Variants in COL13A1 observed in about 807,000 individuals in gnomAD.
The protein encoded by COL13A1 is collagen type XIII alpha 1 chain.
COL13A1 carries 89 observed loss-of-function variants against 130.9 expected under a neutral mutation model. The observed-to-expected ratio is 0.68, with a 90% CI of 0.57 to 0.81. The LOEUF is 0.81. COL13A1 is among the 30% of genes least tolerant of loss of function. The probability of loss-of-function intolerance (pLI) is 0.00; values close to 1 mark genes in which losing one functional copy is unlikely to be tolerated. For missense variants in COL13A1, 879 were observed against 934.6 expected (o/e 0.94, Z 0.78); for synonymous variants, 402 against 341.6 (o/e 1.18, Z -1.95).
At chr10:69,810,074 C>G (rs1431176411) in intron 1 of COL13A1, among the ~76,000 whole-genome samples, 1 of 152,184 alleles carries the variant, frequency 6.6e-6, no homozygotes, top group African/African-American at 2.4e-5. Flanking sequence ...TGAATGCTCC[C>G]TTTTAGAGCC....
rs1051687445 is a variant in COL13A1, at chr10:69,876,972, C to T, written c.436-1067C>T. Among the ~76,000 whole-genome samples, 3 of 152,310 alleles carry T rather than the reference C, an allele frequency of 2.0e-5. No individual in the cohort carries two copies. The South Asian group carries it at 6.2e-4, about 32-fold the overall frequency. ...TCCTCCTTCTTGGGCCCTGTGGACA[C>T]CTCCTCCCAGGAAGTGTCCACACTT... is the stretch of plus-strand genomic sequence containing the variant. On this transcript the variant is annotated intron_variant, in intron 5 of 40. Transcript: ENST00000645393.
At chr10:69,949,930 TTG>T (rs375171960) in intron 38 of COL13A1, among the ~76,000 whole-genome samples, 3,839 of 86,622 alleles carry the variant, frequency 0.044, 134 homozygotes, top group South Asian at 0.097. Context: ...GCACGCATGT[TTG>T]TGTGTGTGTG....
chr10:69,922,518 C>A (rs1401325557), intron 22 of COL13A1, among the ~76,000 whole-genome samples, 190 bp from the exon 23 acceptor site: 1 of 152,206 alleles, frequency 6.6e-6, no homozygotes, highest in Admixed American at 6.5e-5. Flanking sequence ...TGTGTCAGCT[C>A]TAAACCTGCT....
intron 2 of COL13A1, among the ~76,000 whole-genome samples, chr10:69,830,853 T>C (rs1848653534): frequency 6.6e-6 from 1 of 152,120 alleles, no homozygotes; most frequent in African/African-American, 2.4e-5. Context: ...CATTTTATCG[T>C]CCCAAAAAAG....
At chr10:69,912,589 G>A (rs868138629) in intron 17 of COL13A1, among the ~76,000 whole-genome samples, 3 of 80,134 alleles carry the variant, frequency 3.7e-5, no homozygotes, top group Admixed American at 1.9e-4. Flanking sequence ...CACACTCTCA[G>A]GCGGGCCTTC....
At chr10:69,922,282 A>G (rs534626508) in intron 22 of COL13A1, among the ~76,000 whole-genome samples, 2 of 152,300 alleles carry the variant, frequency 1.3e-5, no homozygotes, top group South Asian at 4.1e-4. Context: ...GACATGCATA[A>G]TAAGATGGGA....
intron 30 of COL13A1, chr10:69,931,061 C>T (rs1432000795): frequency 3.6e-5 from 15 of 411,108 alleles, no homozygotes; most frequent in Non-Finnish European, 4.0e-5. Flanking sequence ...AGACACCTAC[C>T]CTTGGAGCAA....
intron 37 of COL13A1, among the ~76,000 whole-genome samples, chr10:69,947,001 G>A (rs572414868): frequency 2.0e-5 from 3 of 152,252 alleles, no homozygotes; most frequent in South Asian, 4.2e-4. Flanking sequence ...CGTTGGCCAG[G>A]ATGGTTTCGA....
intron 26 of COL13A1, 118 bp from the exon 27 acceptor site, chr10:69,926,965 TCTCC>T: frequency 4.4e-6 from 6 of 1,363,110 alleles, no homozygotes; most frequent in Non-Finnish European, 6.3e-6. Flanking sequence ...CCTGCAAGCG[TCTCC>T]CTCCACCCAC....
At chr10:69,840,355 G>T (rs1215791308) in intron 2 of COL13A1, among the ~76,000 whole-genome samples, 1 of 152,180 alleles carries the variant, frequency 6.6e-6, no homozygotes, top group Non-Finnish European at 1.5e-5. Flanking sequence ...GTGTCCCCCA[G>T]CGTGGAGTCC....
intron 2 of COL13A1, among the ~76,000 whole-genome samples, chr10:69,849,604 C>T (rs542440393): frequency 6.6e-6 from 1 of 152,332 alleles, no homozygotes; most frequent in South Asian, 2.1e-4. Context: ...CCCTGACCCT[C>T]CTAGCATGTG....
chr10:69,947,421 G>A (rs2068724629), intron 38 of COL13A1, 79 bp downstream of exon 38: 48 of 1,342,340 alleles, frequency 3.6e-5, no homozygotes, highest in Non-Finnish European at 4.8e-5. Context: ...GGTGATTCCT[G>A]ACCAACATGG....
chr10:69,906,933 G>T (rs750878963), intron 17 of COL13A1, among the ~76,000 whole-genome samples: 6 of 152,068 alleles, frequency 3.9e-5, no homozygotes, highest in Non-Finnish European at 7.4e-5. Flanking sequence ...GTTTCACCAT[G>T]TTGGCCAGGA....
chr10:69,936,173 GAA>G lies in COL13A1; in HGVS notation c.1771-582_1771-581del, dbSNP rs1565119636. ...GGAAGGAAGGAAGGAAGGAAGGAAG[GAA>G]GGAAAGGAAAGGAAGGAAGGAAGGG... On this transcript the variant is annotated intron_variant, in intron 32 of 40. Coordinates refer to ENST00000645393, the MANE Select transcript of COL13A1 (RefSeq NM_001368882.1). Among the ~76,000 whole-genome samples the G allele has an allele frequency of 2.8e-3, 56 of 19,954 alleles. 2 individuals are homozygous for G. The highest frequency in any genetic ancestry group is 0.014 in the Admixed American group (23 of 1,672). The allele number at this position is 19,954 out of a possible 152,430, so 13.1% of individuals were successfully genotyped here.
At chr10:69,930,219 G>T in intron 29 of COL13A1, 132 bp downstream of exon 29, 1 of 959,740 alleles carries the variant, frequency 1.0e-6, no homozygotes, top group South Asian at 1.6e-5. Flanking sequence ...ATGGGGGGGG[G>T]CAGGGAGAGG....
intron 2 of COL13A1, among the ~76,000 whole-genome samples, chr10:69,858,977 G>A (rs1857225951): frequency 6.6e-6 from 1 of 152,168 alleles, no homozygotes; most frequent in African/African-American, 2.4e-5. Flanking sequence ...GAGACTGCCT[G>A]TCAGGGCAGT....
chr10:69,934,669 A>G (rs557166323), intron 31 of COL13A1, among the ~76,000 whole-genome samples: 1 of 152,242 alleles, frequency 6.6e-6, no homozygotes, highest in Non-Finnish European at 1.5e-5. Context: ...CCCTCTGTAG[A>G]GGAGGCAGCC....
intron 2 of COL13A1, among the ~76,000 whole-genome samples, chr10:69,829,096 C>T (rs1848200122): frequency 6.6e-6 from 1 of 152,102 alleles, no homozygotes; most frequent in South Asian, 2.1e-4. Flanking sequence ...CCAACATTCT[C>T]GACCTCTCCC....
At chr10:69,913,168 C>A (rs760959603) in intron 17 of COL13A1, among the ~76,000 whole-genome samples, 1 of 152,210 alleles carries the variant, frequency 6.6e-6, no homozygotes, top group Non-Finnish European at 1.5e-5. Flanking sequence ...AAAAAGCCAG[C>A]CTTGCAGAGG....
Sources: gnomAD v4.1 joint callset for allele counts (sites outside exome capture counted in the v4.1 genomes callset) on GRCh38, gnomAD v4.1.1 for gene constraint, MANE v1.5 for transcripts, NCBI Gene and HGNC (gene_info 2026-07-23, HGNC 2026-07-21) for gene names.